The following TP53BP1 variants were observed in gnomAD, a reference collection of about 807,000 sequenced individuals.
The protein encoded by TP53BP1 is TP53-binding protein 1.
Under a neutral mutation model 200.8 loss-of-function variants are expected in TP53BP1, and 61 were observed. The observed-to-expected ratio is 0.30, with a 90% CI of 0.25 to 0.38. The LOEUF is 0.38. Ranked by LOEUF, TP53BP1 falls within the 10% of genes least tolerant of loss-of-function variation. The probability of loss-of-function intolerance (pLI) is 1.00; values close to 1 mark genes in which losing one functional copy is unlikely to be tolerated. For missense variants in TP53BP1, 2,144 were observed against 2,371.9 expected (o/e 0.90, Z 2.00); for synonymous variants, 822 against 844.3 (o/e 0.97, Z 0.46).
At chr15:43,443,053 T>C (rs1270424187) in intron 14 of TP53BP1, among the ~76,000 whole-genome samples, 1 of 151,590 alleles carries the variant, frequency 6.6e-6, no homozygotes, top group Non-Finnish European at 1.5e-5. Flanking sequence ...CTCGAACTCC[T>C]GACCTCAGGT....
chr15:43,403,846 G>A lies in TP53BP1; in HGVS notation c.*3537C>T, dbSNP rs1253850595. The A allele has an allele frequency of 7.0e-7, 1 of 1,431,838 alleles. No individual in the cohort carries two copies. Among genetic ancestry groups the A allele is most frequent in the Non-Finnish European group, 9.9e-7 (1 of 1,014,924 alleles). The allele number at this position is 1,431,838 out of a possible 1,614,324, so 88.7% of individuals were successfully genotyped here. On this transcript the variant is annotated 3_prime_UTR_variant, in exon 28 of 28. Transcript: ENST00000382044. ...CAGCCTTGCCGAAAGGACAGAGGTGGTTTTGCCAATGGAGAATTCATGATC... is the reference window on the plus strand; with the variant it reads ...CAGCCTTGCCGAAAGGACAGAGGTGATTTTGCCAATGGAGAATTCATGATC...
chr15:43,406,545 G>T lies in TP53BP1; in HGVS notation c.*838C>A, dbSNP rs547845974. ...GCCCTCACAGCAAAGGCGAGTAGTTGTGATGGATCAAATGGCCCACAAAGC... is the reference window on the plus strand; with the variant it reads ...GCCCTCACAGCAAAGGCGAGTAGTTTTGATGGATCAAATGGCCCACAAAGC... On this transcript the variant is annotated 3_prime_UTR_variant, in exon 28 of 28. Transcript: ENST00000382044. 4.2e-5 allele frequency: 19 copies of T among 455,488 alleles called. No individual in the cohort carries two copies. Among genetic ancestry groups the T allele is most frequent in the African/African-American group, 3.6e-4 (18 of 50,160 alleles). 28.2% of individuals were successfully genotyped at this position (455,488 alleles called of 1,614,324 possible). A position where few individuals can be genotyped will look rare whatever the true frequency, so the allele number is the denominator to read the frequency against.
rs3742973 is a variant in TP53BP1, at chr15:43,405,261, G to C, written c.*2122C>G. 6.2e-6 allele frequency: 10 copies of C among 1,607,474 alleles called. No homozygotes were observed. In the East Asian group the frequency reaches 1.8e-4, roughly 29 times the overall value. ...AAATAACAGCCACGTTCCCAAGGTT[G>C]TAACAGAAGATTCAAAACATCCCAT... On this transcript the variant is annotated 3_prime_UTR_variant, in exon 28 of 28. Transcript: ENST00000382044.
upstream of TP53BP1, chr15:43,493,311 C>T (rs1167215698): frequency 9.3e-7 from 1 of 1,078,556 alleles, no homozygotes; most frequent in East Asian, 2.7e-5. Context: ...GCAGCATGGA[C>T]GTTGCAGGCC....
Position 43,477,733 on chromosome 15 carries a change from T to C in TP53BP1, c.815A>G (p.Lys272Arg), listed in dbSNP as rs200419374. 1.8e-4 allele frequency: 287 copies of C among 1,610,900 alleles called. No homozygotes were observed. The highest frequency in any genetic ancestry group is 3.3e-4 in the Middle Eastern group (2 of 6,076). Residue 272 changes from lysine (K) to arginine (R), a missense_variant, in exon 8 of 28, where the codon AAA (lysine) becomes AGA (arginine). Around this residue, in one of 4 missense-constraint regions of TP53BP1, gnomAD observed 1,700 missense variants for 1,710.3 expected, o/e 0.99. Coordinates refer to ENST00000382044, the MANE Select transcript of TP53BP1 (RefSeq NM_001141980.3). ...ARSEDMPFSPKASVAAMEAKE... is the reference protein window; with the variant it reads ...ARSEDMPFSPRASVAAMEAKE... The stretch of plus-strand genomic sequence containing the variant: ...TGCTTCCATAGCAGCAACAGATGCT[T>C]TGGGGCTAAAAGGCATGTCCTCTGA...
intron 10 of TP53BP1, among the ~76,000 whole-genome samples, chr15:43,472,087 G>A (rs1022674103): frequency 6.6e-6 from 1 of 152,228 alleles, no homozygotes; most frequent in African/African-American, 2.4e-5. Flanking sequence ...GATATAATAG[G>A]AGGCATATAC....
intron 11 of TP53BP1, among the ~76,000 whole-genome samples, chr15:43,458,042 A>C (rs950203356): frequency 6.6e-5 from 10 of 152,058 alleles, no homozygotes; most frequent in Non-Finnish European, 1.3e-4. Context: ...AATAATACTA[A>C]TAATAATAAA....
chr15:43,415,428 G>T (rs1013653553), intron 23 of TP53BP1, 166 bp downstream of exon 23: 1 of 741,168 alleles, frequency 1.3e-6, no homozygotes, highest in South Asian at 1.5e-5. Context: ...GGGGGAGGAG[G>T]GATACAGTGA....
chr15:43,435,005 A>T (rs2045758295), intron 16 of TP53BP1, among the ~76,000 whole-genome samples: 1 of 152,172 alleles, frequency 6.6e-6, no homozygotes, highest in Non-Finnish European at 1.5e-5. Context: ...TCACACCAGT[A>T]ATCCCAGCAC....
chr15:43,417,962 T>C (rs2045306145), intron 21 of TP53BP1, among the ~76,000 whole-genome samples: 1 of 151,836 alleles, frequency 6.6e-6, no homozygotes, highest in African/African-American at 2.4e-5. Context: ...GGTGGATGGC[T>C]TGAGGTCAGG....
intron 11 of TP53BP1, among the ~76,000 whole-genome samples, chr15:43,469,177 C>G (rs997839802): frequency 1.3e-5 from 2 of 152,036 alleles, no homozygotes; most frequent in Non-Finnish European, 2.9e-5. Context: ...AGTATGAAAC[C>G]TGAATTTCAT....
At position 43,406,162 on chromosome 15, in the gene TP53BP1, C is replaced by A. The variant is rs981239471; in HGVS notation, c.*1221G>T. 1 of 151,676 alleles carries A rather than the reference C, an allele frequency of 6.6e-6. No homozygotes were observed. The highest frequency in any genetic ancestry group is 1.5e-5 in the Non-Finnish European group (1 of 68,248). 9.4% of individuals were successfully genotyped at this position (151,676 alleles called of 1,614,324 possible). Reference sequence around the variant, plus strand: ...ATTGCAGGCCCAATTACCCATCTTACACAAACCATAGGGGTTGAAGTTATC... The same window carrying A: ...ATTGCAGGCCCAATTACCCATCTTAAACAAACCATAGGGGTTGAAGTTATC... On this transcript the variant is annotated 3_prime_UTR_variant, in exon 28 of 28. Transcript: ENST00000382044.
At chr15:43,467,912 T>C (rs959689075) in intron 11 of TP53BP1, among the ~76,000 whole-genome samples, 2 of 151,866 alleles carry the variant, frequency 1.3e-5, no homozygotes, top group African/African-American at 4.8e-5. Context: ...GCCTTCCAAA[T>C]AGCTGGGACT....
intron 11 of TP53BP1, among the ~76,000 whole-genome samples, chr15:43,468,323 T>C (rs757356341): frequency 7.9e-5 from 12 of 152,136 alleles, no homozygotes; most frequent in Admixed American, 3.3e-4. Context: ...GAGAGGAGGA[T>C]TGCTTGAGCC....
rs2079152609 is a variant in TP53BP1, at chr15:43,493,106, A to T, written c.-63T>A. 6.2e-7 allele frequency: 1 copy of T among 1,604,792 alleles called. No homozygotes were observed. The highest frequency in any genetic ancestry group is 8.5e-7 in the Non-Finnish European group (1 of 1,177,500). ...CTGCACGCTCCCCAAGTCCCTCCAGATCGATCCCTAGGTCGCCGCTGTCGC... is the reference window on the plus strand; with the variant it reads ...CTGCACGCTCCCCAAGTCCCTCCAGTTCGATCCCTAGGTCGCCGCTGTCGC... On this transcript the variant is annotated 5_prime_UTR_variant, in exon 1 of 28. Transcript: ENST00000382044.
At chr15:43,411,824 C>T (rs950785240) in intron 24 of TP53BP1, among the ~76,000 whole-genome samples, 6 of 152,214 alleles carry the variant, frequency 3.9e-5, no homozygotes, top group Non-Finnish European at 5.9e-5. Context: ...GCATCTCATA[C>T]CAGTCAGCTT....
At chr15:43,454,673 T>A (rs1021207613) in intron 12 of TP53BP1, among the ~76,000 whole-genome samples, 2 of 151,258 alleles carry the variant, frequency 1.3e-5, no homozygotes, top group African/African-American at 2.4e-5. Flanking sequence ...TACATTATAC[T>A]AACTCTAAGG....
At chr15:43,459,937 G>A (rs1036374157) in intron 11 of TP53BP1, among the ~76,000 whole-genome samples, 7 of 152,174 alleles carry the variant, frequency 4.6e-5, no homozygotes, top group African/African-American at 1.7e-4. Flanking sequence ...TGATTGCCTA[G>A]GGCGGGAGAA....
At chr15:43,491,076 T>A (rs2079115415) in intron 4 of TP53BP1, among the ~76,000 whole-genome samples, 1 of 141,804 alleles carries the variant, frequency 7.1e-6, no homozygotes, top group Non-Finnish European at 1.6e-5. Context: ...TACTCCTAAA[T>A]TTTTTTTTTT....
Sources: allele counts gnomAD v4.1 joint callset (sites outside exome capture counted in the v4.1 genomes callset), GRCh38; gene constraint gnomAD v4.1.1; regional missense constraint gnomAD v4.1.1; transcripts MANE v1.5; gene names NCBI Gene and HGNC (gene_info 2026-07-23, HGNC 2026-07-21).